The following PIGP variants were observed in gnomAD, a reference collection of about 807,000 sequenced individuals.
The protein encoded by PIGP is phosphatidylinositol glycan anchor biosynthesis class P.
In PIGP, 12 loss-of-function variants were observed where a neutral mutation model predicts 16.9. The ratio of observed to expected loss-of-function variants is 0.71; its 90% CI spans 0.46 to 1.15. The LOEUF (loss-of-function observed/expected upper bound fraction) is 1.15, where lower values mean the gene tolerates loss of function less well. PIGP is among the 50% of genes most tolerant of loss of function. PIGP has a pLI of 0.00. For missense variants in PIGP, 159 were observed against 153.5 expected (o/e 1.04, Z -0.19); for synonymous variants, 57 against 54.7 (o/e 1.04, Z -0.18).
At chr21:37,070,500 G>C (rs1303101465) in intron 2 of PIGP, among the ~76,000 whole-genome samples, 1 of 152,158 alleles carries the variant, frequency 6.6e-6, no homozygotes, top group Admixed American at 6.5e-5. Flanking sequence ...AGTAATAAAA[G>C]ATGACATAGA....
At position 37,065,667 on chromosome 21, in the gene PIGP, G is replaced by A. The variant is rs201332995; in HGVS notation, c.320C>T (p.Ala107Val). The A allele has an allele frequency of 6.2e-7, 1 of 1,613,112 alleles. No homozygotes were observed. Among genetic ancestry groups the A allele is most frequent in the Non-Finnish European group, 8.5e-7 (1 of 1,179,462 alleles). The change falls in exon 5 of 5, where the codon GCC (alanine) becomes GTC (valine). Residue 107 changes from alanine to valine, a missense_variant. Transcript: ENST00000360525. Reference protein sequence around the residue: ...NQQQKKYQEEAIPALRDISIS... With the variant: ...NQQQKKYQEEVIPALRDISIS... ...AGAAATATCTCTTAAGGCTGGAATG[G>A]CCTCCTCTTGGTATTTCTTCTGCTG...
chr21:37,065,799 C>T (rs1193689146), intron 4 of PIGP, 87 bp from the exon 5 acceptor site: 2 of 1,150,430 alleles, frequency 1.7e-6, no homozygotes, highest in Non-Finnish European at 2.5e-6. Context: ...ACATAGTTTA[C>T]TAGGCTGACG....
At chr21:37,072,357 C>G (rs988719439) in intron 2 of PIGP, 77 bp downstream of exon 2, 22 of 1,600,814 alleles carry the variant, frequency 1.4e-5, no homozygotes, top group Non-Finnish European at 1.9e-5. Context: ...CATGTGTGCA[C>G]AGTCTAACCA....
chr21:37,071,012 C>T (rs1383609001), intron 2 of PIGP, among the ~76,000 whole-genome samples: 2 of 152,232 alleles, frequency 1.3e-5, no homozygotes, highest in African/African-American at 4.8e-5. Flanking sequence ...CTGCCTGCCT[C>T]GGCCACCCAA....
At chr21:37,068,375 T>C (rs561232577) in intron 3 of PIGP, among the ~76,000 whole-genome samples, 11 of 152,260 alleles carry the variant, frequency 7.2e-5, no homozygotes, top group Non-Finnish European at 4.4e-5. Context: ...ATTTTAATTT[T>C]GGTTATCATG....
At chr21:37,066,971 C>CGTGTGT (rs56940945) in intron 4 of PIGP, among the ~76,000 whole-genome samples, 1,641 of 143,798 alleles carry the variant, frequency 0.011, 30 homozygotes, top group East Asian at 0.08. Context: ...TTTTACTGTC[C>CGTGTGT]GTGTGTGTGT....
intron 3 of PIGP, 32 bp downstream of exon 3, chr21:37,069,520 A>G (rs762674180): frequency 1.5e-6 from 2 of 1,298,258 alleles, no homozygotes; most frequent in South Asian, 2.7e-5. Flanking sequence ...AGCATTAATT[A>G]TATCCTCATT....
intron 2 of PIGP, chr21:37,072,104 T>G: frequency 1.2e-6 from 1 of 862,670 alleles, no homozygotes; most frequent in Non-Finnish European, 2.0e-6. Context: ...TCCACCGTGC[T>G]CCCTGACACT....
intron 3 of PIGP, among the ~76,000 whole-genome samples, chr21:37,067,714 G>C (rs998248837): frequency 6.6e-6 from 1 of 152,130 alleles, no homozygotes; most frequent in African/African-American, 2.4e-5. Flanking sequence ...CTAATATGGA[G>C]ATAAGGAATT....
At chr21:37,065,967 C>CA (rs2069895486) in intron 4 of PIGP, among the ~76,000 whole-genome samples, 2 of 152,132 alleles carry the variant, frequency 1.3e-5, no homozygotes, top group South Asian at 2.1e-4. Context: ...CCTGTAGTCC[C>CA]ACCTACTCGG....
At chr21:37,066,367 A>G (rs943906923) in intron 4 of PIGP, among the ~76,000 whole-genome samples, 1 of 152,224 alleles carries the variant, frequency 6.6e-6, no homozygotes, top group Admixed American at 6.5e-5. Context: ...ATTTGCTGCC[A>G]ATTCCAATCA....
At chr21:37,068,205 A>T (rs1724065023) in intron 3 of PIGP, among the ~76,000 whole-genome samples, 1 of 117,452 alleles carries the variant, frequency 8.5e-6, no homozygotes, top group Admixed American at 7.9e-5. Context: ...TGTTGGCCAG[A>T]TGTTTTTTTT....
rs1196789439 is a variant in PIGP at position 37,065,566 on chromosome 21, T to C, written c.*16A>G. 6.2e-7 allele frequency: 1 copy of C among 1,605,084 alleles called. No individual in the cohort carries two copies. The highest frequency in any genetic ancestry group is 8.5e-7 in the Non-Finnish European group (1 of 1,177,252). ...TAAATAAATACGTGCTTGGTGTTAC[T>C]ATGGTTACACACAGTTCAGTTTTTG... On this transcript the variant is annotated 3_prime_UTR_variant, in exon 5 of 5. Transcript: ENST00000360525.
At chr21:37,070,113 G>C (rs1268209968) in intron 2 of PIGP, among the ~76,000 whole-genome samples, 1 of 152,032 alleles carries the variant, frequency 6.6e-6, no homozygotes, top group Admixed American at 6.5e-5. Context: ...GTTATCCCAC[G>C]ATAACAACAA....
intron 2 of PIGP, chr21:37,072,010 CTT>C: frequency 1.4e-6 from 1 of 716,910 alleles, no homozygotes; most frequent in South Asian, 1.5e-5. Flanking sequence ...TTCCCTCCCT[CTT>C]ACTCTTTCCT....
At chr21:37,067,411 G>T in intron 3 of PIGP, 31 bp from the exon 4 acceptor site, 1 of 1,206,872 alleles carries the variant, frequency 8.3e-7, no homozygotes, top group Non-Finnish European at 1.2e-6. Context: ...GTACATAATA[G>T]ACACTTTAAA....
chr21:37,072,651 G>A (rs1435566426), intron 1 of PIGP, 114 bp from the exon 2 acceptor site: 1 of 1,568,536 alleles, frequency 6.4e-7, no homozygotes, highest in Non-Finnish European at 8.7e-7. Context: ...ACCGCCTCCC[G>A]CGCCTCCGTC....
rs370348563 is a variant in PIGP, at chr21:37,067,725, A to C, written c.156-345T>G. 3.3e-5 allele frequency among the ~76,000 whole-genome samples: 5 copies of C among 152,328 alleles called. No individual in the cohort carries two copies. The East Asian group carries it at 9.6e-4, about 29-fold the overall frequency. ...CTTCCTAATATGGAGATAAGGAATT[A>C]ACCTCCTCCTATCCTCTTCTATACT... On this transcript the variant is annotated intron_variant, in intron 3 of 4. Transcript: ENST00000360525.
At position 37,065,484 on chromosome 21, in the gene PIGP, T is replaced by C; in HGVS notation, c.*98A>G. On this transcript the variant is annotated 3_prime_UTR_variant, in exon 5 of 5. Coordinates refer to ENST00000360525, the MANE Select transcript of PIGP (RefSeq NM_153682.3). The stretch of plus-strand genomic sequence containing the variant: ...TCAACTTACATTTTTTACTTCTCTA[T>C]TAATAAGAGAGATGGTCAAATTAAT... 8.2e-7 allele frequency: 1 copy of C among 1,217,000 alleles called. No individual in the cohort carries two copies. Among genetic ancestry groups the C allele is most frequent in the Non-Finnish European group, 1.1e-6 (1 of 871,130 alleles). 75.4% of individuals were successfully genotyped at this position (1,217,000 alleles called of 1,614,324 possible). A position where few individuals can be genotyped will look rare whatever the true frequency, so the allele number is the denominator to read the frequency against.
Sources: allele counts gnomAD v4.1 joint callset (sites outside exome capture counted in the v4.1 genomes callset), GRCh38; gene constraint gnomAD v4.1.1; transcripts MANE v1.5; gene names NCBI Gene and HGNC (gene_info 2026-07-23, HGNC 2026-07-21).